ATP9B: variants seen among roughly 807,000 people sequenced by gnomAD.
ATP9B encodes the protein ATPase phospholipid transporting 9B.
A neutral mutation model predicts 146.1 loss-of-function variants in ATP9B; 110 were observed. The observed-to-expected ratio is 0.75, with a 90% CI of 0.65 to 0.88. The LOEUF (loss-of-function observed/expected upper bound fraction) is 0.88, where lower values mean the gene tolerates loss of function less well. ATP9B is among the 40% of genes least tolerant of loss of function. The pLI, the probability that ATP9B is intolerant of heterozygous loss-of-function variation, is 0.00. For missense variants in ATP9B, 1,499 were observed against 1,496.4 expected (o/e 1.00, Z -0.03); for synonymous variants, 604 against 569.7 (o/e 1.06, Z -0.86).
chr18:79,080,274 G>A (rs2073103269), intron 1 of ATP9B, among the ~76,000 whole-genome samples: 1 of 152,196 alleles, frequency 6.6e-6, no homozygotes, highest in African/African-American at 2.4e-5. Flanking sequence ...CTATCCATGA[G>A]CATGGAATGT....
chr18:79,330,703 A>G (rs4479323), intron 17 of ATP9B, among the ~76,000 whole-genome samples: 2,329 of 152,306 alleles, frequency 0.015, 65 homozygotes, highest in African/African-American at 0.054. Flanking sequence ...ATGAGCCACC[A>G]TGCCCAGCCA....
chr18:79,215,760 G>A (rs1003303121), intron 11 of ATP9B, among the ~76,000 whole-genome samples: 2 of 152,060 alleles, frequency 1.3e-5, no homozygotes, highest in African/African-American at 4.8e-5. Context: ...TGCCATCTTG[G>A]CTCACTGCAG....
chr18:79,329,326 C>T (rs751926691), intron 16 of ATP9B, 24 bp downstream of exon 16: 100 of 1,557,380 alleles, frequency 6.4e-5, no homozygotes, highest in Middle Eastern at 1.7e-4. Context: ...GAGGGTGCCA[C>T]GCGATGGCTT....
intron 12 of ATP9B, among the ~76,000 whole-genome samples, chr18:79,260,063 C>T (rs1425829832): frequency 3.3e-5 from 5 of 152,114 alleles, no homozygotes; most frequent in Admixed American, 3.3e-4. Flanking sequence ...TGGCGTTTTG[C>T]TCTTTGAAGA....
intron 13 of ATP9B, among the ~76,000 whole-genome samples, chr18:79,289,461 T>A (rs1249263462): frequency 6.6e-6 from 1 of 152,228 alleles, no homozygotes; most frequent in African/African-American, 2.4e-5. Context: ...GGCTTTCAGC[T>A]CCATCAGCTC....
Position 79,263,954 on chromosome 18 carries a change from G to A in ATP9B, c.1268+10413G>A, listed in dbSNP as rs538070408. Among the ~76,000 whole-genome samples, 7 of 152,212 alleles carry A rather than the reference G, an allele frequency of 4.6e-5. No individual in the cohort carries two copies. The East Asian group carries it at 9.7e-4, about 21-fold the overall frequency. On this transcript the variant is annotated intron_variant, in intron 12 of 29. Transcript: ENST00000426216. Reference sequence around the variant, plus strand: ...CAAAAAATTAGCCGGGCGTGGTAGCGGGTGCCTGTAGTCCCAGCTGCTCGG... The same window carrying A: ...CAAAAAATTAGCCGGGCGTGGTAGCAGGTGCCTGTAGTCCCAGCTGCTCGG...
At chr18:79,141,586 A>C (rs551117081) in intron 5 of ATP9B, among the ~76,000 whole-genome samples, 1 of 152,354 alleles carries the variant, frequency 6.6e-6, no homozygotes, top group East Asian at 1.9e-4. Flanking sequence ...TTCTCTATCA[A>C]GTGCAACTCT....
At position 79,256,286 on chromosome 18, in the gene ATP9B, T is replaced by TATATATATATATAC. The variant is rs398033647; in HGVS notation, c.1268+2746_1268+2747insTATATATATATACA. 7.9e-4 allele frequency among the ~76,000 whole-genome samples: 97 copies of TATATATATATATAC among 123,046 alleles called. 3 individuals carry two copies. Among genetic ancestry groups the TATATATATATATAC allele is most frequent in the African/African-American group, 2.9e-3 (90 of 30,784 alleles). 80.7% of individuals were successfully genotyped at this position (123,046 alleles called of 152,430 possible). On this transcript the variant is annotated intron_variant, in intron 12 of 29. Transcript: ENST00000426216. ...ATATATATATATATATATATATATA[T>TATATATATATATAC]ACATACATAGTGAGGCTATGTTATT...
rs1336519614 is a variant in ATP9B, at chr18:79,336,622, T to C, written c.2029-6T>C. The C allele has an allele frequency of 3.7e-6, 6 of 1,613,802 alleles. No individual in the cohort carries two copies. Among genetic ancestry groups the C allele is most frequent in the African/African-American group, 1.3e-5 (1 of 75,038 alleles). On this transcript the variant is annotated splice_region_variant and splice_polypyrimidine_tract_variant and intron_variant, in intron 17 of 29. Transcript: ENST00000426216. Reference sequence around the variant, plus strand: ...CCCACCTGTGACTCGGCCTCTCCTTTTCCAGTGCGGAAACATGGCTCGCGA... The same window carrying C: ...CCCACCTGTGACTCGGCCTCTCCTTCTCCAGTGCGGAAACATGGCTCGCGA...
chr18:79,231,801 T>TAC (rs1387954793), intron 11 of ATP9B, among the ~76,000 whole-genome samples: 69 of 98,032 alleles, frequency 7.0e-4, no homozygotes, highest in African/African-American at 1.9e-3. Flanking sequence ...TATATATATA[T>TAC]ATACACACAC....
intron 13 of ATP9B, among the ~76,000 whole-genome samples, chr18:79,287,262 T>A (rs201802984): frequency 6.6e-6 from 1 of 152,072 alleles, no homozygotes; most frequent in African/African-American, 2.4e-5. Context: ...CTCTTTTTGG[T>A]TGGTAAGCTA....
chr18:79,136,921 A>C (rs2094454263), intron 5 of ATP9B, among the ~76,000 whole-genome samples: 3 of 152,186 alleles, frequency 2.0e-5, no homozygotes, highest in Admixed American at 6.5e-5. Context: ...GGGAAAAGCC[A>C]CTTACAAAAC....
intron 2 of ATP9B, among the ~76,000 whole-genome samples, chr18:79,107,173 C>T (rs2075707060): frequency 6.6e-6 from 1 of 152,114 alleles, no homozygotes; most frequent in Admixed American, 6.5e-5. Context: ...GCCTGTCTTG[C>T]ACCTGTGGCC....
chr18:79,154,314 A>T (rs944204825), intron 6 of ATP9B, among the ~76,000 whole-genome samples, 190 bp from the exon 7 acceptor site: 1 of 152,120 alleles, frequency 6.6e-6, no homozygotes, highest in Non-Finnish European at 1.5e-5. Flanking sequence ...TGGGGAAAAA[A>T]ATCTTAGCAT....
At chr18:79,073,411 G>A (rs563922349) in intron 1 of ATP9B, among the ~76,000 whole-genome samples, 31 of 152,336 alleles carry the variant, frequency 2.0e-4, no homozygotes, top group African/African-American at 7.2e-4. Context: ...CAGACCACTC[G>A]AAGTCAGGAG....
chr18:79,236,752 G>T (rs28711003), intron 11 of ATP9B, among the ~76,000 whole-genome samples: 21,452 of 105,176 alleles, frequency 0.2, 1,636 homozygotes, highest in Admixed American at 0.26. Flanking sequence ...CCCACTGTGT[G>T]CACGGTCCGT....
intron 8 of ATP9B, 38 bp downstream of exon 8, chr18:79,176,945 A>G: frequency 1.9e-6 from 3 of 1,548,488 alleles, no homozygotes; most frequent in Non-Finnish European, 2.7e-6. Context: ...TTTTATCTTC[A>G]ATGGTAGTTT....
At chr18:79,190,535 CACACACACACAT>C (rs955315535) in intron 8 of ATP9B, among the ~76,000 whole-genome samples, 6 of 140,286 alleles carry the variant, frequency 4.3e-5, no homozygotes, top group African/African-American at 1.3e-4. Context: ...CACACACACA[CACACACACACAT>C]ATACATATAT....
chr18:79,196,899 T>TG (rs780818792), intron 9 of ATP9B, among the ~76,000 whole-genome samples: 15 of 152,146 alleles, frequency 9.9e-5, no homozygotes, highest in Non-Finnish European at 2.1e-4. Flanking sequence ...ATAGGAAACT[T>TG]TAACATCTAC....
Sources: allele counts gnomAD v4.1 joint callset (sites outside exome capture counted in the v4.1 genomes callset), GRCh38; gene constraint gnomAD v4.1.1; transcripts MANE v1.5; gene names NCBI Gene and HGNC (gene_info 2026-07-23, HGNC 2026-07-21).